Variants in ELP1 observed in about 807,000 individuals in gnomAD.
ELP1 encodes the protein elongator complex protein 1.
A neutral mutation model predicts 183.2 loss-of-function variants in ELP1; 131 were observed. That is an observed-to-expected ratio of 0.72 (90% CI 0.62 to 0.83). The LOEUF is 0.83. Ranked by LOEUF, ELP1 falls within the 40% of genes least tolerant of loss-of-function variation. The pLI is 0.00. For missense variants in ELP1, 1,550 were observed against 1,594.9 expected (o/e 0.97, Z 0.48); for synonymous variants, 555 against 569.0 (o/e 0.98, Z 0.35).
rs372225464 is a variant in ELP1 at position 108,908,405 on chromosome 9, C to A, written c.1361-1G>T. 2 of 1,612,144 alleles carry A rather than the reference C, an allele frequency of 1.2e-6. No homozygotes were observed. The highest frequency in any genetic ancestry group is 2.7e-5 in the African/African-American group (2 of 74,888). Reference sequence around the variant, plus strand: ...GTAGGGTCAGCACTTGGACAATCACCTGGAAAACAAAAATGCAAATATTAT... The same window carrying A: ...GTAGGGTCAGCACTTGGACAATCACATGGAAAACAAAAATGCAAATATTAT... On this transcript the variant is annotated splice_acceptor_variant, in intron 12 of 36. Coordinates refer to ENST00000374647, the MANE Select transcript of ELP1 (RefSeq NM_003640.5). LOFTEE classifies it high-confidence loss of function.
rs1324519014 is a variant in ELP1 at position 108,896,510 on chromosome 9, C to T, written c.2722G>A (p.Glu908Lys). 6.2e-7 allele frequency: 1 copy of T among 1,614,144 alleles called. No individual in the cohort carries two copies. The highest frequency in any genetic ancestry group is 8.5e-7 in the Non-Finnish European group (1 of 1,180,008). The change falls in exon 25 of 37, where the codon GAG becomes AAG. Residue 908 changes from glutamate to lysine, a missense_variant. Coordinates refer to ENST00000374647, the MANE Select transcript of ELP1 (RefSeq NM_003640.5). ...ACTCCACATACCTTCTGTGACTTCT[C>T]AGCTACCATGAGGACCAAATCAAAG... ...YDFDLVLMVAEKSQKDPKEYL... is the reference protein window; with the variant it reads ...YDFDLVLMVAKKSQKDPKEYL...
intron 36 of ELP1, among the ~76,000 whole-genome samples, chr9:108,872,336 T>C (rs1249464303): frequency 1.3e-5 from 2 of 152,202 alleles, no homozygotes; most frequent in African/African-American, 4.8e-5. Context: ...CAGTTAATTT[T>C]ATGCAGTTAT....
At position 108,902,857 on chromosome 9, in the gene ELP1, C is replaced by A; in HGVS notation, c.1836G>T (p.Leu612Phe). Residue 612 changes from leucine (L) to phenylalanine (F), a missense_variant, in exon 16 of 37, where the codon TTG (leucine) becomes TTT (phenylalanine). Physicochemically the swap from Leu to Phe is conservative, Grantham distance 22. Transcript: ENST00000374647. Reference sequence around the variant, plus strand: ...CACCTACCTCTTCTCCAATCATGGCCAATTCGGTCTGGGTGCATGGATAAG... The same window carrying A: ...CACCTACCTCTTCTCCAATCATGGCAAATTCGGTCTGGGTGCATGGATAAG... The part of the protein sequence containing the change: ...RFPYPCTQTE[L>F]AMIGEEECVL... 6.2e-7 allele frequency: 1 copy of A among 1,613,604 alleles called. No individual in the cohort carries two copies.
chr9:108,933,112 T>C (rs758543494), intron 1 of ELP1, among the ~76,000 whole-genome samples: 3 of 152,156 alleles, frequency 2.0e-5, no homozygotes, highest in Non-Finnish European at 4.4e-5. Flanking sequence ...AACCTCCTGA[T>C]AGAATCACAA....
At chr9:108,900,771 C>T (rs533064322) in intron 18 of ELP1, among the ~76,000 whole-genome samples, 9 of 151,458 alleles carry the variant, frequency 5.9e-5, no homozygotes, top group East Asian at 3.9e-4. Context: ...CACACATACA[C>T]GCCACACACA....
At chr9:108,933,343 T>A (rs1210578185) in intron 1 of ELP1, among the ~76,000 whole-genome samples, 5 of 152,250 alleles carry the variant, frequency 3.3e-5, no homozygotes, top group African/African-American at 9.6e-5. Context: ...CGATCCGGTT[T>A]GTGGCCTACA....
In ELP1 at chr9:108,876,428, A is replaced by G. The variant is rs999184244; in HGVS notation, c.3856-1458T>C. Among the ~76,000 whole-genome samples the G allele has an allele frequency of 2.0e-5, 3 of 152,170 alleles. No homozygotes were observed. The East Asian group carries it at 5.8e-4, about 29-fold the overall frequency. The stretch of plus-strand genomic sequence containing the variant: ...CGGTTTGTAAAGTGCTTTTACACAC[A>G]CCCTCTTATTTAACCTTCAAAGCAT... On this transcript the variant is annotated intron_variant, in intron 35 of 36. Transcript: ENST00000374647.
At chr9:108,919,416 A>C in intron 6 of ELP1, 67 bp from the exon 7 acceptor site, 1 of 1,014,774 alleles carries the variant, frequency 9.9e-7, no homozygotes, top group Admixed American at 1.8e-5. Context: ...AACAAGCCTC[A>C]GACCACTAGA....
chr9:108,934,082 C>CTCAA lies in ELP1; in HGVS notation c.-278_-275dup, dbSNP rs1350633401. Reference sequence around the variant, plus strand: ...TGAAGCGCTGCAAAGAAGCCAGCGACTCAATGGGTGCGTCAACTAGGCAGC... The same window carrying CTCAA: ...TGAAGCGCTGCAAAGAAGCCAGCGACTCAATCAATGGGTGCGTCAACTAGGCAGC... On this transcript the variant is annotated 5_prime_UTR_variant, in exon 1 of 37. Coordinates refer to ENST00000374647, the MANE Select transcript of ELP1 (RefSeq NM_003640.5). The CTCAA allele has an allele frequency of 5.2e-6, 1 of 191,334 alleles. No individual in the cohort carries two copies. Among genetic ancestry groups the CTCAA allele is most frequent in the Non-Finnish European group, 1.1e-5 (1 of 91,874 alleles). 11.9% of individuals were successfully genotyped at this position (191,334 alleles called of 1,614,324 possible). A position where few individuals can be genotyped will look rare whatever the true frequency, so the allele number is the denominator to read the frequency against.
intron 3 of ELP1, 140 bp from the exon 4 acceptor site, chr9:108,927,593 G>C (rs1177328102): frequency 1.4e-6 from 1 of 724,476 alleles, no homozygotes; most frequent in African/African-American, 1.8e-5. Flanking sequence ...TCTCATGTTT[G>C]TTGCAGCTCT....
intron 14 of ELP1, among the ~76,000 whole-genome samples, chr9:108,905,653 G>T (rs1488882838): frequency 6.6e-6 from 1 of 152,180 alleles, no homozygotes; most frequent in African/African-American, 2.4e-5. Context: ...GGATACGTCT[G>T]AGAAATGTGT....
At position 108,926,511 on chromosome 9, in the gene ELP1, A is replaced by G. The variant is rs1259935063; in HGVS notation, c.466+12T>C. On this transcript the variant is annotated intron_variant, in intron 5 of 36. Transcript: ENST00000374647. Reference sequence around the variant, plus strand: ...ACGTAGGTCACAAAATATTGCACAAAGCTATACTTACTTTCACCAAAATCA... The same window carrying G: ...ACGTAGGTCACAAAATATTGCACAAGGCTATACTTACTTTCACCAAAATCA... 6.2e-7 allele frequency: 1 copy of G among 1,603,448 alleles called. No homozygotes were observed.
chr9:108,927,600 C>A, intron 3 of ELP1, 147 bp from the exon 4 acceptor site: 1 of 714,530 alleles, frequency 1.4e-6, no homozygotes. Flanking sequence ...TTTGTTGCAG[C>A]TCTGTTCACA....
At chr9:108,903,113 A>G (rs1828874172) in intron 15 of ELP1, among the ~76,000 whole-genome samples, 171 bp from the exon 16 acceptor site, 1 of 152,156 alleles carries the variant, frequency 6.6e-6, no homozygotes. Context: ...GTTCTAGGGT[A>G]CATGTGCACA....
chr9:108,885,236 C>T (rs1466825649), intron 29 of ELP1, among the ~76,000 whole-genome samples: 1 of 151,428 alleles, frequency 6.6e-6, no homozygotes, highest in Admixed American at 6.6e-5. Context: ...AACAATGAAA[C>T]AGTTCATTCT....
chr9:108,872,673 C>T (rs374052819), intron 36 of ELP1, among the ~76,000 whole-genome samples: 3 of 150,292 alleles, frequency 2.0e-5, no homozygotes, highest in Admixed American at 6.6e-5. Flanking sequence ...GGCGTGATGG[C>T]GGGCGCCTGT....
intron 35 of ELP1, chr9:108,875,867 T>C (rs2118928071): frequency 4.2e-6 from 1 of 238,440 alleles, no homozygotes; most frequent in Non-Finnish European, 8.6e-6. Flanking sequence ...TTGATCATAC[T>C]GTCACTGCAC....
chr9:108,894,788 A>C (rs1828476114), intron 25 of ELP1, among the ~76,000 whole-genome samples: 1 of 152,196 alleles, frequency 6.6e-6, no homozygotes, highest in African/African-American at 2.4e-5. Context: ...ACTGAGTTGG[A>C]CACAAAACTC....
In ELP1 at chr9:108,927,354, C is replaced by T. The variant is rs1197058697; in HGVS notation, c.385+18G>A. Reference sequence around the variant, plus strand: ...TAATGTTTTAAAAAAGCCAGTGAGGCACCAGTAACAAGCTTACCTGTGGCA... The same window carrying T: ...TAATGTTTTAAAAAAGCCAGTGAGGTACCAGTAACAAGCTTACCTGTGGCA... On this transcript the variant is annotated intron_variant, in intron 4 of 36. Transcript: ENST00000374647. 6.3e-7 allele frequency: 1 copy of T among 1,595,014 alleles called. No individual in the cohort carries two copies.
Sources: allele counts gnomAD v4.1 joint callset (sites outside exome capture counted in the v4.1 genomes callset), GRCh38; gene constraint gnomAD v4.1.1; transcripts MANE v1.5; gene names NCBI Gene and HGNC (gene_info 2026-07-23, HGNC 2026-07-21).